The following EHD1 variants were observed in gnomAD, a reference collection of about 807,000 sequenced individuals.
The protein encoded by EHD1 is EH domain-containing protein 1.
In EHD1, 19 loss-of-function variants were observed where a neutral mutation model predicts 39.0. The ratio of observed to expected loss-of-function variants is 0.49; its 90% confidence interval spans 0.34 to 0.72. The LOEUF (loss-of-function observed/expected upper bound fraction) is 0.72. EHD1 is among the 30% of genes least tolerant of loss of function. EHD1 has a pLI of 0.01. For synonymous variants in EHD1, 323 were observed against 331.2 expected (o/e 0.98, Z 0.27); for missense variants, 542 against 751.5 (o/e 0.72, Z 3.26).
At chr11:64,860,386 C>T (rs1056427086) in intron 2 of EHD1, 50 bp from the exon 3 acceptor site, 1 of 1,562,810 alleles carries the variant, frequency 6.4e-7, no homozygotes, top group African/African-American at 1.4e-5. Flanking sequence ...ACCTGCTGCT[C>T]TGATGGCTCT....
At chr11:64,860,735 G>C (rs906566284) in intron 2 of EHD1, among the ~76,000 whole-genome samples, 52 of 118,652 alleles carry the variant, frequency 4.4e-4, no homozygotes, top group African/African-American at 1.8e-3. Flanking sequence ...AAAAAAAAAA[G>C]AAAAGGCCAG....
intron 2 of EHD1, among the ~76,000 whole-genome samples, chr11:64,867,889 C>T (rs1471704901): frequency 1.3e-5 from 2 of 152,268 alleles, no homozygotes. Context: ...CTCAGGGTAG[C>T]GTGCACGCAG....
intron 3 of EHD1, 78 bp from the exon 4 acceptor site, chr11:64,855,564 A>C: frequency 6.3e-7 from 1 of 1,590,000 alleles, no homozygotes; most frequent in East Asian, 2.2e-5. Flanking sequence ...GGACACTCCA[A>C]GGATACTCCA....
intron 4 of EHD1, 78 bp from the exon 5 acceptor site, chr11:64,854,935 GC>G: frequency 7.8e-6 from 12 of 1,534,394 alleles, no homozygotes; most frequent in Non-Finnish European, 1.1e-5. Flanking sequence ...TCCAGTCAGG[GC>G]TTCACAAGCA....
chr11:64,870,830 C>T (rs535680654), intron 2 of EHD1, among the ~76,000 whole-genome samples: 5 of 152,196 alleles, frequency 3.3e-5, no homozygotes, highest in Admixed American at 2.0e-4. Flanking sequence ...CAAGAATGAA[C>T]GCAGCCCCCA....
At chr11:64,854,976 G>C (rs1943633285) in intron 4 of EHD1, 119 bp from the exon 5 acceptor site, 1 of 1,324,206 alleles carries the variant, frequency 7.6e-7, no homozygotes, top group Non-Finnish European at 1.0e-6. Flanking sequence ...ACTAGCAGGG[G>C]CGACTCGGCA....
chr11:64,879,462 C>G, upstream of EHD1: 2 of 1,286,218 alleles, frequency 1.6e-6, no homozygotes, highest in Non-Finnish European at 2.1e-6. Context: ...CGGAAATTCC[C>G]TATGTGGGGA....
chr11:64,879,191 G>A, upstream of EHD1: 1 of 1,058,920 alleles, frequency 9.4e-7, no homozygotes. Context: ...GAAAGTGGTA[G>A]CAGAGCAAGC....
intron 2 of EHD1, among the ~76,000 whole-genome samples, chr11:64,873,614 G>A (rs532383957): frequency 7.9e-5 from 12 of 152,050 alleles, no homozygotes; most frequent in East Asian, 1.9e-4. Flanking sequence ...AGCAGCTCCC[G>A]CCCTCTCAGT....
At chr11:64,879,040 C>T, upstream of EHD1, 1 of 996,492 alleles carries the variant, frequency 1.0e-6, no homozygotes, top group African/African-American at 1.7e-5. Context: ...TCGCCACGTG[C>T]GGTCCTCCAG....
chr11:64,870,527 C>T (rs1056802363), intron 2 of EHD1, among the ~76,000 whole-genome samples: 3 of 152,258 alleles, frequency 2.0e-5, no homozygotes, highest in African/African-American at 7.2e-5. Context: ...ACAAAGCTGG[C>T]CAGGTCTCTG....
At chr11:64,860,703 G>T (rs1458879460) in intron 2 of EHD1, among the ~76,000 whole-genome samples, 1 of 132,018 alleles carries the variant, frequency 7.6e-6, no homozygotes, top group East Asian at 2.2e-4. Context: ...TGGGTAAGAA[G>T]AGCAAAACTG....
In EHD1 at chr11:64,855,445, G is replaced by C; in HGVS notation, c.957C>G (p.Pro319=). 1 of 1,614,016 alleles carries C rather than the reference G, an allele frequency of 6.2e-7. No individual in the cohort carries two copies. Among genetic ancestry groups the C allele is most frequent in the Non-Finnish European group, 8.5e-7 (1 of 1,180,008 alleles). ...YIISSLKKEM[P]NVFGKESKKK... is the part of the protein sequence containing the mutation. ...TTTTGCTCTCTTTACCAAAGACATT[G>C]GGCATCTCTTTCTTGAGGGAGCTGA... is the stretch of plus-strand genomic sequence containing the variant. The change falls in exon 4 of 5, where the codon CCC becomes CCG. Residue 319 remains proline (P), a synonymous_variant. Coordinates refer to ENST00000320631, the MANE Select transcript of EHD1 (RefSeq NM_006795.4).
chr11:64,853,771 G>A lies in EHD1; in HGVS notation c.*562C>T, dbSNP rs1353983427. 6.4e-6 allele frequency: 1 copy of A among 156,754 alleles called. No homozygotes were observed. Among genetic ancestry groups the A allele is most frequent in the Non-Finnish European group, 1.4e-5 (1 of 70,402 alleles). 9.7% of individuals were successfully genotyped at this position (156,754 alleles called of 1,614,324 possible). ...CGTCGGAGCCGGTGGGGCGCGGGAG[G>A]AAAGGGCAGGGCCCGCGCACGGGGA... is the stretch of plus-strand genomic sequence containing the variant. On this transcript the variant is annotated 3_prime_UTR_variant, in exon 5 of 5. Coordinates refer to ENST00000320631, the MANE Select transcript of EHD1 (RefSeq NM_006795.4).
chr11:64,858,004 A>T (rs1190028070), intron 3 of EHD1, among the ~76,000 whole-genome samples: 1 of 145,808 alleles, frequency 6.9e-6, no homozygotes, highest in Non-Finnish European at 1.5e-5. Context: ...GCTGGCCTGG[A>T]GATAGGAGCT....
chr11:64,857,040 G>A (rs1451827725), intron 3 of EHD1, among the ~76,000 whole-genome samples: 1 of 152,234 alleles, frequency 6.6e-6, no homozygotes, highest in Non-Finnish European at 1.5e-5. Flanking sequence ...TGTCCTTTGA[G>A]GCCAGGGTCA....
chr11:64,854,777 G>C lies in EHD1; in HGVS notation c.1161C>G (p.Ala387=). The change falls in exon 5 of 5, where the codon GCC becomes GCG. Residue 387 remains alanine, a synonymous_variant. Transcript: ENST00000320631. ...TCACCATCAGCCGCGCGATGTCGTT[G>C]GCCAGCATGTCATCCACCGTGTCCA... ...KLLDTVDDML[A]NDIARLMVMV... 6.2e-7 allele frequency: 1 copy of C among 1,607,258 alleles called. No homozygotes were observed. The highest frequency in any genetic ancestry group is 8.5e-7 in the Non-Finnish European group (1 of 1,180,004).
At chr11:64,871,605 C>T (rs1052469205) in intron 2 of EHD1, among the ~76,000 whole-genome samples, 2 of 152,230 alleles carry the variant, frequency 1.3e-5, no homozygotes, top group Non-Finnish European at 2.9e-5. Flanking sequence ...CTAGTAAAAT[C>T]GGTTTGATCT....
Position 64,878,093 on chromosome 11 carries a change from C to G in EHD1, c.372G>C (p.Lys124Asn), listed in dbSNP as rs1191907896. The change falls in exon 1 of 5, where the codon AAG becomes AAC. Residue 124 changes from lysine to asparagine, a missense_variant. Coordinates refer to ENST00000320631, the MANE Select transcript of EHD1 (RefSeq NM_006795.4). ...LVVDPRRPFR[K>N]LNAFGNAFLN... ...GGAAAGCGTTGCCAAACGCGTTGAGCTTGCGGAAGGGGCGCCGCGGGTCCA... is the reference window on the plus strand; with the variant it reads ...GGAAAGCGTTGCCAAACGCGTTGAGGTTGCGGAAGGGGCGCCGCGGGTCCA... 6.5e-7 allele frequency: 1 copy of G among 1,536,776 alleles called. No homozygotes were observed. The highest frequency in any genetic ancestry group is 2.3e-5 in the East Asian group (1 of 43,802).
Sources: allele counts gnomAD v4.1 joint callset (sites outside exome capture counted in the v4.1 genomes callset), GRCh38; gene constraint gnomAD v4.1.1; transcripts MANE v1.5; gene names NCBI Gene and HGNC (gene_info 2026-07-23, HGNC 2026-07-21).